The following KLHL32 variants were observed in gnomAD, a reference collection of about 807,000 sequenced individuals.
The protein encoded by KLHL32 is kelch like family member 32.
A neutral mutation model predicts 64.8 loss-of-function variants in KLHL32; 35 were observed. That is an observed-to-expected ratio of 0.54 (90% CI 0.41 to 0.72). The LOEUF (loss-of-function observed/expected upper bound fraction) is 0.72. Among genes scored for constraint, KLHL32 ranks in the 30% least tolerant of loss-of-function variants. KLHL32 has a pLI of 0.00. For synonymous variants in KLHL32, 259 were observed against 281.0 expected (o/e 0.92, Z 0.78); for missense variants, 589 against 768.5 (o/e 0.77, Z 2.76).
At chr6:97,063,099 T>C (rs2128151828) in intron 4 of KLHL32, among the ~76,000 whole-genome samples, 1 of 152,330 alleles carries the variant, frequency 6.6e-6, no homozygotes, top group African/African-American at 2.4e-5. Flanking sequence ...CATGATTTCA[T>C]TTGTGGTTTT....
At chr6:96,901,161 T>C in the KLHL32 span, among the ~76,000 whole-genome samples, 13 of 152,300 alleles carry the variant, frequency 8.5e-5, no homozygotes, top group African/African-American at 2.9e-4. Flanking sequence ...CTCATGACTT[T>C]TGTCATTGTA....
At chr6:96,910,189 G>T in the KLHL32 span, among the ~76,000 whole-genome samples, 2 of 152,072 alleles carry the variant, frequency 1.3e-5, no homozygotes, top group East Asian at 3.9e-4. Flanking sequence ...TTGGGAACAG[G>T]GAGTGGCACA....
At chr6:97,135,796 G>A (rs922785337) in intron 10 of KLHL32, among the ~76,000 whole-genome samples, 5 of 152,134 alleles carry the variant, frequency 3.3e-5, no homozygotes, top group African/African-American at 1.2e-4. Flanking sequence ...TGTTATGGAT[G>A]ACGATAGAAC....
rs190688439 is a variant in KLHL32, at chr6:97,133,648, T to C, written c.1701+901T>C. Among the ~76,000 whole-genome samples, 93 of 152,320 alleles carry C rather than the reference T, an allele frequency of 6.1e-4. 1 individual carries two copies. The highest frequency in any genetic ancestry group is 2.2e-3 in the African/African-American group (92 of 41,580). On this transcript the variant is annotated intron_variant, in intron 10 of 10. Transcript: ENST00000369261. ...TTCAAAATTGCTAGCATATAGTTGT[T>C]GTGTTATCCTTAGTTATATCTCCCT... is the stretch of plus-strand genomic sequence containing the variant.
Position 97,055,273 on chromosome 6 carries a change from A to T in KLHL32, c.313-9355A>T, listed in dbSNP as rs80216687. ...TGAGAAAATAGAAACAGAAAGGAAG[A>T]TCTTCATCATCTTACCATCAAATTC... On this transcript the variant is annotated intron_variant, in intron 4 of 10. Coordinates refer to ENST00000369261, the MANE Select transcript of KLHL32 (RefSeq NM_052904.4). 4.0e-3 allele frequency among the ~76,000 whole-genome samples: 602 copies of T among 152,254 alleles called. 4 individuals carry two copies. The highest frequency in any genetic ancestry group is 6.0e-3 in the Non-Finnish European group (409 of 68,028).
At chr6:96,938,002 A>T (rs1770821863) in intron 1 of KLHL32, among the ~76,000 whole-genome samples, 1 of 152,228 alleles carries the variant, frequency 6.6e-6, no homozygotes, top group African/African-American at 2.4e-5. Context: ...ACTCTCAGGA[A>T]ATACTGATTC....
intron 2 of KLHL32, among the ~76,000 whole-genome samples, chr6:96,967,976 C>A (rs1774654143): frequency 6.6e-6 from 1 of 152,152 alleles, no homozygotes; most frequent in African/African-American, 2.4e-5. Context: ...TCTGAGGGAA[C>A]AGTCAAAATA....
At chr6:96,968,512 G>A (rs1460720043) in intron 2 of KLHL32, among the ~76,000 whole-genome samples, 2 of 152,072 alleles carry the variant, frequency 1.3e-5, no homozygotes, top group Non-Finnish European at 2.9e-5. Flanking sequence ...CACCACCTCA[G>A]CCAAGTTATT....
chr6:97,016,521 C>T (rs1159465446), intron 3 of KLHL32, among the ~76,000 whole-genome samples: 2 of 152,182 alleles, frequency 1.3e-5, no homozygotes, highest in Non-Finnish European at 2.9e-5. Flanking sequence ...TGCTTGTACA[C>T]CCATTTTATC....
At chr6:97,034,846 G>A (rs1207164385) in intron 3 of KLHL32, among the ~76,000 whole-genome samples, 1 of 151,842 alleles carries the variant, frequency 6.6e-6, no homozygotes, top group Non-Finnish European at 1.5e-5. Flanking sequence ...TGTTAATTTT[G>A]CACCAAAAAA....
intron 3 of KLHL32, among the ~76,000 whole-genome samples, chr6:97,011,788 C>T (rs1780438996): frequency 6.6e-6 from 1 of 152,120 alleles, no homozygotes; most frequent in Non-Finnish European, 1.5e-5. Flanking sequence ...AAAATGAATA[C>T]ACTTCTTACT....
Position 97,139,351 on chromosome 6 carries a change from C to T in KLHL32, c.*69C>T. ...GTTGGATACTGGGCATGAAAAGACT[C>T]AGTGCTCCATGCTTCCTTGTCTTGC... On this transcript the variant is annotated 3_prime_UTR_variant, in exon 11 of 11. Transcript: ENST00000369261. The T allele has an allele frequency of 7.5e-7, 1 of 1,324,846 alleles. No homozygotes were observed. The highest frequency in any genetic ancestry group is 2.0e-5 in the Admixed American group (1 of 48,978). 82.1% of individuals were successfully genotyped at this position (1,324,846 alleles called of 1,614,324 possible). A position where few individuals can be genotyped will look rare whatever the true frequency, so the allele number is the denominator to read the frequency against.
At chr6:97,092,726 C>G (rs1794442869) in intron 6 of KLHL32, among the ~76,000 whole-genome samples, 1 of 152,168 alleles carries the variant, frequency 6.6e-6, no homozygotes, top group African/African-American at 2.4e-5. Context: ...GCTAACTCCT[C>G]TGTGAGGGTG....
Position 97,130,965 on chromosome 6 carries a change from T to G in KLHL32, c.1606+16T>G. ...CTGCTGACTGGCAAGTACCTTTGAT[T>G]AAGTAAATCAGGAAAAGTAGATTCA... On this transcript the variant is annotated intron_variant, in intron 9 of 10. Coordinates refer to ENST00000369261, the MANE Select transcript of KLHL32 (RefSeq NM_052904.4). 6.2e-7 allele frequency: 1 copy of G among 1,600,158 alleles called. No homozygotes were observed. The highest frequency in any genetic ancestry group is 8.5e-7 in the Non-Finnish European group (1 of 1,171,492).
At chr6:96,991,988 C>T (rs972689091) in intron 3 of KLHL32, among the ~76,000 whole-genome samples, 6 of 152,286 alleles carry the variant, frequency 3.9e-5, no homozygotes, top group Admixed American at 3.3e-4. Flanking sequence ...CGAGGGCTTC[C>T]GAGCGGCAGA....
intron 4 of KLHL32, chr6:97,062,551 G>A (rs1789080097): frequency 6.6e-6 from 1 of 152,130 alleles, no homozygotes; most frequent in Admixed American, 6.5e-5. Context: ...TCTTTACTTT[G>A]CCACTTAGAA....
the KLHL32 span, among the ~76,000 whole-genome samples, chr6:96,914,003 G>A: frequency 2.6e-5 from 4 of 152,276 alleles, no homozygotes; most frequent in Middle Eastern, 3.4e-3. Context: ...AATGAGAACC[G>A]TCCTTAAAAG....
intron 1 of KLHL32, among the ~76,000 whole-genome samples, chr6:96,944,983 G>A (rs1057089690): frequency 6.6e-6 from 1 of 152,138 alleles, no homozygotes; most frequent in African/African-American, 2.4e-5. Context: ...ATAACATGAC[G>A]TTGACAACTC....
chr6:97,010,197 C>G (rs1313708977), intron 3 of KLHL32: 2 of 148,562 alleles, frequency 1.3e-5, no homozygotes, highest in African/African-American at 5.0e-5. Flanking sequence ...TGCCATGCTC[C>G]TGGTTCACTG....
Sources: gnomAD v4.1 joint callset for allele counts (sites outside exome capture counted in the v4.1 genomes callset) on GRCh38, gnomAD v4.1.1 for gene constraint, MANE v1.5 for transcripts, NCBI Gene and HGNC (gene_info 2026-07-23, HGNC 2026-07-21) for gene names.